The following TUSC3 variants were observed in gnomAD, a reference collection of about 807,000 sequenced individuals.
TUSC3 encodes dolichyl-diphosphooligosaccharide--protein glycosyltransferase subunit TUSC3.
A neutral mutation model predicts 44.8 loss-of-function variants in TUSC3; 45 were observed. The observed-to-expected ratio is 1.00, with a 90% confidence interval of 0.79 to 1.29. TUSC3 has a LOEUF of 1.29. TUSC3 is among the 50% of genes most tolerant of loss of function. The pLI, the probability that TUSC3 is intolerant of heterozygous loss-of-function variation, is 0.00. For missense variants in TUSC3, 519 were observed against 437.9 expected, an observed-to-expected ratio of 1.19 and a Z score of -1.65; for synonymous variants, 212 against 152.9, an observed-to-expected ratio of 1.39 and a Z score of -2.85.
chr8:15,527,073 T>A (rs771288893), intron 2 of TUSC3, among the ~76,000 whole-genome samples: 7 of 152,242 alleles, frequency 4.6e-5, no homozygotes, highest in Non-Finnish European at 1.0e-4. Flanking sequence ...TTTTCAACCA[T>A]GCCAGGTAAC....
chr8:15,591,800 A>C (rs1803851654), intron 1 of TUSC3, among the ~76,000 whole-genome samples: 1 of 152,214 alleles, frequency 6.6e-6, no homozygotes, highest in Admixed American at 6.5e-5. Context: ...TGGTAGGCAG[A>C]GGCCAGAACA....
At chr8:15,802,757 T>A in the TUSC3 span, among the ~76,000 whole-genome samples, 1 of 151,412 alleles carries the variant, frequency 6.6e-6, no homozygotes, top group Non-Finnish European at 1.5e-5. Flanking sequence ...AAAGAAAAAA[T>A]TCATAGGTAA....
the TUSC3 span, among the ~76,000 whole-genome samples, chr8:15,798,673 C>G: frequency 6.6e-6 from 1 of 151,942 alleles, no homozygotes; most frequent in Non-Finnish European, 1.5e-5. Flanking sequence ...TTATTTACAC[C>G]ATAAGAACCC....
chr8:15,418,285 G>A (rs1799685546), intron 1 of TUSC3, among the ~76,000 whole-genome samples: 1 of 152,126 alleles, frequency 6.6e-6, no homozygotes, highest in African/African-American at 2.4e-5. Flanking sequence ...ATTCGTAACT[G>A]CACACAATGA....
At chr8:15,478,087 A>T (rs1563261560) in intron 1 of TUSC3, among the ~76,000 whole-genome samples, 1 of 151,904 alleles carries the variant, frequency 6.6e-6, no homozygotes, top group South Asian at 2.1e-4. Context: ...CCTCTTGATT[A>T]GCTGGATTAC....
intron 1 of TUSC3, among the ~76,000 whole-genome samples, chr8:15,450,077 C>T (rs192711798): frequency 3.3e-5 from 5 of 152,168 alleles, no homozygotes; most frequent in South Asian, 2.1e-4. Context: ...TTTCTCAGAA[C>T]GTATTCTTGT....
chr8:15,614,588 C>T (rs1804907240), intron 1 of TUSC3, among the ~76,000 whole-genome samples: 1 of 152,076 alleles, frequency 6.6e-6, no homozygotes. Flanking sequence ...ATATAATGTT[C>T]CTGAGGCTTA....
At chr8:15,828,822 GT>G in the TUSC3 span, among the ~76,000 whole-genome samples, 21 of 152,200 alleles carry the variant, frequency 1.4e-4, no homozygotes, top group South Asian at 3.7e-3. Context: ...AAAACAGTCT[GT>G]TTTTCTTTCT....
In TUSC3 at chr8:15,559,008, T is replaced by A. The variant is rs532227052; in HGVS notation, c.138+18440T>A. Among the ~76,000 whole-genome samples the A allele has an allele frequency of 9.7e-4, 144 of 148,222 alleles. 1 individual carries two copies. Among genetic ancestry groups the A allele is most frequent in the African/African-American group, 3.3e-3 (135 of 40,736 alleles). ...TTTTTGTGTCTCTATTTCCTTCAGT[T>A]CTGCTCTGATTTTAGTTATTTCTTG... On this transcript the variant is annotated intron_variant, in intron 1 of 10. Transcript: ENST00000503731.
chr8:15,425,246 C>G (rs10091457), intron 1 of TUSC3, among the ~76,000 whole-genome samples: 6,551 of 152,194 alleles, frequency 0.043, 486 homozygotes, highest in African/African-American at 0.15. Flanking sequence ...AATGACAAAG[C>G]ACTATTCAGG....
the TUSC3 span, among the ~76,000 whole-genome samples, chr8:15,771,955 A>C: frequency 6.6e-6 from 1 of 151,864 alleles, no homozygotes; most frequent in Non-Finnish European, 1.5e-5. Context: ...CAGGTGTGGT[A>C]GAGGGCGCCT....
intron 1 of TUSC3, among the ~76,000 whole-genome samples, chr8:15,443,938 C>T (rs1800057580): frequency 6.6e-6 from 1 of 152,084 alleles, no homozygotes; most frequent in Non-Finnish European, 1.5e-5. Flanking sequence ...CCTAACCAAT[C>T]AGCACTCCTG....
intron 2 of TUSC3, among the ~76,000 whole-genome samples, chr8:15,646,121 C>G (rs111892318): frequency 0.012 from 1,874 of 152,200 alleles, 23 homozygotes; most frequent in Non-Finnish European, 0.021. Context: ...CTGTTTCAGA[C>G]ATTTCCATCA....
chr8:15,627,205 A>G (rs775155986), intron 2 of TUSC3, among the ~76,000 whole-genome samples: 16 of 152,122 alleles, frequency 1.1e-4, no homozygotes, highest in Admixed American at 7.2e-4. Flanking sequence ...TGAGGAGACA[A>G]TGGTAGGACC....
chr8:15,514,070 G>A (rs933246864), intron 2 of TUSC3, among the ~76,000 whole-genome samples: 3 of 152,020 alleles, frequency 2.0e-5, no homozygotes, highest in Non-Finnish European at 2.9e-5. Context: ...CCTTCTATGC[G>A]CCACCACTTC....
At chr8:15,503,966 A>G (rs1801009376) in intron 2 of TUSC3, among the ~76,000 whole-genome samples, 1 of 148,554 alleles carries the variant, frequency 6.7e-6, no homozygotes, top group Non-Finnish European at 1.5e-5. Flanking sequence ...GCAAGCGGAG[A>G]TCGCACCACT....
intron 7 of TUSC3, among the ~76,000 whole-genome samples, chr8:15,731,199 G>C (rs1359457580): frequency 2.0e-5 from 3 of 152,056 alleles, no homozygotes; most frequent in Admixed American, 6.6e-5. Flanking sequence ...TAAGTGTTGT[G>C]AATCAGATCA....
intron 6 of TUSC3, among the ~76,000 whole-genome samples, chr8:15,703,349 C>G (rs868037888): frequency 6.6e-6 from 1 of 151,990 alleles, no homozygotes; most frequent in East Asian, 1.9e-4. Context: ...TTTCTGAACC[C>G]TTCTAAGTGG....
chr8:15,605,649 A>C (rs10097385), intron 1 of TUSC3, among the ~76,000 whole-genome samples: 3,166 of 152,056 alleles, frequency 0.021, 105 homozygotes, highest in African/African-American at 0.071. Context: ...AGGGCATAAA[A>C]TGTATATACA....
Sources: allele counts gnomAD v4.1 joint callset (sites outside exome capture counted in the v4.1 genomes callset), GRCh38; gene constraint gnomAD v4.1.1; transcripts MANE v1.5; gene names NCBI Gene and HGNC (gene_info 2026-07-23, HGNC 2026-07-21).